JCAD: variants seen among roughly 807,000 people sequenced by gnomAD.
JCAD encodes junctional cadherin 5 associated.
A neutral mutation model predicts 98.0 loss-of-function variants in JCAD; 40 were observed. That is an observed-to-expected ratio of 0.41 (90% CI 0.32 to 0.53). JCAD has a LOEUF of 0.53. Among genes scored for constraint, JCAD ranks in the 20% least tolerant of loss-of-function variants. The probability of loss-of-function intolerance (pLI) is 0.31; values close to 1 mark genes in which losing one functional copy is unlikely to be tolerated. For missense variants in JCAD, 1,705 were observed against 1,738.1 expected (o/e 0.98, Z 0.34); for synonymous variants, 691 against 682.3 (o/e 1.01, Z -0.20).
chr10:30,111,045 T>G (rs74132248), intron 1 of JCAD, among the ~76,000 whole-genome samples: 10,488 of 152,122 alleles, frequency 0.069, 514 homozygotes, highest in African/African-American at 0.13. Context: ...ACCCCTGATG[T>G]ATAGACCAGC....
chr10:30,029,574 G>C lies in JCAD; in HGVS notation c.574C>G (p.Pro192Ala), dbSNP rs947192536. 1.9e-6 allele frequency: 3 copies of C among 1,614,180 alleles called. No individual in the cohort carries two copies. Among genetic ancestry groups the C allele is most frequent in the Admixed American group, 3.3e-5 (2 of 60,022 alleles). ...QNVSLESWNQ[P>A]RKLGRQMSDG... ...GACATCTGCCTCCCTAATTTCCTTG[G>C]CTGGTTCCAGCTTTCCAGGCTGACG... The change falls in exon 3 of 4, where the codon CCA (proline) becomes GCA (alanine). Residue 192 changes from proline to alanine, a missense_variant. Coordinates refer to ENST00000375377, the MANE Select transcript of JCAD (RefSeq NM_020848.4).
At chr10:30,061,927 G>T (rs1837707956), upstream of JCAD, among the ~76,000 whole-genome samples, 1 of 152,156 alleles carries the variant, frequency 6.6e-6, no homozygotes, top group African/African-American at 2.4e-5. Context: ...GACACCTAGG[G>T]AGCCAAGTAT....
rs1836847213 is a variant in JCAD, at chr10:30,027,434, C to G, written c.2714G>C (p.Arg905Thr). 1 of 1,604,556 alleles carries G rather than the reference C, an allele frequency of 6.2e-7. No homozygotes were observed. The change falls in exon 3 of 4, where the codon AGG becomes ACG. Residue 905 changes from arginine (R) to threonine (T), a missense_variant. This residue lies in a region of JCAD where 1,278 missense variants were observed against 1,243.1 expected (regional missense o/e 1.03). Coordinates refer to ENST00000375377, the MANE Select transcript of JCAD (RefSeq NM_020848.4). The stretch of plus-strand genomic sequence containing the variant: ...AGACTTACTCTCACCTCTTCCCGAC[C>G]TACACACAGGGCTCTCCGGCACCCA... Reference protein sequence around the residue: ...RMWVPESPVCRSGRGESKSES... With the variant: ...RMWVPESPVCTSGRGESKSES...
chr10:30,046,422 G>T (rs534138655), intron 2 of JCAD, among the ~76,000 whole-genome samples: 1 of 152,186 alleles, frequency 6.6e-6, no homozygotes, highest in Non-Finnish European at 1.5e-5. Flanking sequence ...TAGGGCCAGT[G>T]TGCGTGCAAG....
intron 1 of JCAD, among the ~76,000 whole-genome samples, chr10:30,100,309 T>C (rs1021284138): frequency 6.6e-6 from 1 of 152,242 alleles, no homozygotes; most frequent in African/African-American, 2.4e-5. Context: ...AGAGTCGAAC[T>C]CTAAAATATT....
intron 1 of JCAD, among the ~76,000 whole-genome samples, chr10:30,099,001 C>G (rs1464817557): frequency 2.6e-5 from 4 of 152,154 alleles, no homozygotes; most frequent in Admixed American, 2.6e-4. Flanking sequence ...TACTTGCTAC[C>G]AATTACTTAG....
chr10:30,086,741 A>C (rs1589712587), intron 1 of JCAD, among the ~76,000 whole-genome samples: 1 of 152,240 alleles, frequency 6.6e-6, no homozygotes, highest in East Asian at 1.9e-4. Context: ...CTGTAGATTC[A>C]AACTCTTTCC....
chr10:30,063,937 G>C (rs1021916463), upstream of JCAD, among the ~76,000 whole-genome samples: 12 of 152,064 alleles, frequency 7.9e-5, no homozygotes, highest in African/African-American at 2.9e-4. Context: ...TTCCTGAATA[G>C]CTGGGATTAT....
chr10:30,034,394 A>G (rs1837070954), intron 2 of JCAD, among the ~76,000 whole-genome samples: 1 of 152,194 alleles, frequency 6.6e-6, no homozygotes, highest in Non-Finnish European at 1.5e-5. Context: ...AGCAGCCTCA[A>G]TGCTTCTGTG....
intron 1 of JCAD, among the ~76,000 whole-genome samples, chr10:30,058,541 T>A (rs142005638): frequency 1.3e-5 from 2 of 152,298 alleles, no homozygotes; most frequent in Non-Finnish European, 2.9e-5. Context: ...CACAGCTTCT[T>A]TACAAATGCC....
upstream of JCAD, chr10:30,059,655 G>A (rs1220014347): frequency 7.5e-6 from 1 of 132,588 alleles, no homozygotes; most frequent in African/African-American, 4.1e-5. The surrounding 1 kb of genome is among the most constrained non-coding windows in gnomAD (Gnocchi z 5.0). Flanking sequence ...TGCCTCCTCT[G>A]CGCTGAGGGC....
chr10:30,053,221 G>T (rs1370200951), intron 1 of JCAD, among the ~76,000 whole-genome samples: 1 of 151,812 alleles, frequency 6.6e-6, no homozygotes, highest in Non-Finnish European at 1.5e-5. Flanking sequence ...ATGGTGGGGG[G>T]TGGGGGGTGC....
chr10:30,034,539 G>C (rs1257885751), intron 2 of JCAD, among the ~76,000 whole-genome samples: 1 of 152,142 alleles, frequency 6.6e-6, no homozygotes, highest in Non-Finnish European at 1.5e-5. Context: ...TGAGAAGACT[G>C]CTTCCTGGTC....
chr10:30,032,889 A>C (rs1025585272), intron 2 of JCAD, among the ~76,000 whole-genome samples: 3 of 152,200 alleles, frequency 2.0e-5, no homozygotes, highest in African/African-American at 7.2e-5. Flanking sequence ...TTTAAGCTTC[A>C]CCAACATCCT....
chr10:30,077,767 G>A (rs1277891234), intron 1 of JCAD, among the ~76,000 whole-genome samples: 2 of 152,160 alleles, frequency 1.3e-5, no homozygotes, highest in Non-Finnish European at 2.9e-5. Context: ...CCTTCGTAAG[G>A]CTGAATAATC....
At chr10:30,031,768 T>C (rs1448745478) in intron 2 of JCAD, among the ~76,000 whole-genome samples, 34 of 128,056 alleles carry the variant, frequency 2.7e-4, no homozygotes, top group African/African-American at 9.9e-4. Flanking sequence ...TTTTTTTTTT[T>C]TTTTGAGACG....
At chr10:30,024,947 G>T (rs1027364503) in intron 3 of JCAD, among the ~76,000 whole-genome samples, 1 of 151,878 alleles carries the variant, frequency 6.6e-6, no homozygotes, top group Non-Finnish European at 1.5e-5. Context: ...CACCCGCCTC[G>T]GCCTCCCAAA....
At position 30,017,924 on chromosome 10, in the gene JCAD, A is replaced by C. The variant is rs777023178; in HGVS notation, c.4046-7T>G. 40 of 1,609,166 alleles carry C rather than the reference A, an allele frequency of 2.5e-5. No individual in the cohort carries two copies. The highest frequency in any genetic ancestry group is 3.4e-5 in the Admixed American group (2 of 59,498). On this transcript the variant is annotated splice_region_variant and splice_polypyrimidine_tract_variant and intron_variant, in intron 3 of 3. Coordinates refer to ENST00000375377, the MANE Select transcript of JCAD (RefSeq NM_020848.4). ...CTGCTAGGGTCATAGGAATCTGTAA[A>C]ATAAGAAAAGAAAAGAAAATTAGTG...
chr10:30,019,732 A>G (rs1057031341), intron 3 of JCAD, among the ~76,000 whole-genome samples: 3 of 152,136 alleles, frequency 2.0e-5, no homozygotes, highest in African/African-American at 4.8e-5. Context: ...CATCATGTAC[A>G]CTTGGAATTT....
Sources: gnomAD v4.1 joint callset for allele counts (sites outside exome capture counted in the v4.1 genomes callset) on GRCh38, gnomAD v4.1.1 for gene constraint, gnomAD v4.1.1 regional missense constraint, Gnocchi (gnomAD v3.1) non-coding constraint, MANE v1.5 for transcripts, NCBI Gene and HGNC (gene_info 2026-07-23, HGNC 2026-07-21) for gene names.